HEATR5B: variants seen among roughly 807,000 people sequenced by gnomAD.
HEATR5B encodes HEAT repeat containing 5B.
In HEATR5B, 156 loss-of-function variants were observed where a neutral mutation model predicts 224.1. The ratio of observed to expected loss-of-function variants is 0.70; its 90% CI spans 0.61 to 0.80. The LOEUF is 0.80. Ranked by LOEUF, HEATR5B falls within the 30% of genes least tolerant of loss-of-function variation. The pLI, the probability that HEATR5B is intolerant of heterozygous loss-of-function variation, is 0.00. For synonymous variants in HEATR5B, 1,027 were observed against 893.0 expected, an observed-to-expected ratio of 1.15 and a Z score of -2.68; for missense variants, 2,323 against 2,535.5, an observed-to-expected ratio of 0.92 and a Z score of 1.80.
chr2:37,022,663 A>G (rs1052292859), intron 24 of HEATR5B, among the ~76,000 whole-genome samples: 1 of 152,224 alleles, frequency 6.6e-6, no homozygotes, highest in Non-Finnish European at 1.5e-5. Flanking sequence ...TTGTCAGGAA[A>G]CTTAAATCTA....
At chr2:37,004,660 G>A (rs753759618) in intron 30 of HEATR5B, among the ~76,000 whole-genome samples, 1 of 151,888 alleles carries the variant, frequency 6.6e-6, no homozygotes, top group Non-Finnish European at 1.5e-5. Context: ...TTATTTACTC[G>A]ATTCTTTCTT....
At chr2:36,995,454 A>AT (rs1336612342) in intron 33 of HEATR5B, among the ~76,000 whole-genome samples, 1 of 152,220 alleles carries the variant, frequency 6.6e-6, no homozygotes, top group Admixed American at 6.5e-5. Flanking sequence ...GTTTGTTAAA[A>AT]TCTACCTTAA....
intron 33 of HEATR5B, among the ~76,000 whole-genome samples, chr2:36,999,740 C>T (rs916454034): frequency 2.6e-5 from 4 of 150,998 alleles, no homozygotes; most frequent in South Asian, 4.2e-4. Flanking sequence ...CGGCCGGGTG[C>T]GGTAGCTCAC....
rs190094650 is a variant in HEATR5B, at chr2:37,049,901, T to A, written c.2506-58A>T. The stretch of plus-strand genomic sequence containing the variant: ...CAATTCATAATTCATTATTATTATT[T>A]TTTTTTTAAGGCAAGGTCTTGCTCC... On this transcript the variant is annotated intron_variant, in intron 17 of 35. Transcript: ENST00000233099. 1,465 of 1,437,126 alleles carry A rather than the reference T, an allele frequency of 1.0e-3. 5 individuals carry two copies. Among genetic ancestry groups the A allele is most frequent in the East Asian group, 7.6e-3 (297 of 39,194 alleles). 89.0% of individuals were successfully genotyped at this position (1,437,126 alleles called of 1,614,324 possible). A position where few individuals can be genotyped will look rare whatever the true frequency, so the allele number is the denominator to read the frequency against.
chr2:37,079,339 A>C lies in HEATR5B; in HGVS notation c.127-8T>G. 1 of 1,518,064 alleles carries C rather than the reference A, an allele frequency of 6.6e-7. No homozygotes were observed. The highest frequency in any genetic ancestry group is 8.9e-7 in the Non-Finnish European group (1 of 1,125,306). The allele number at this position is 1,518,064 out of a possible 1,614,324, so 94.0% of individuals were successfully genotyped here. A position where few individuals can be genotyped will look rare whatever the true frequency, so the allele number is the denominator to read the frequency against. On this transcript the variant is annotated splice_region_variant and splice_polypyrimidine_tract_variant and intron_variant, in intron 2 of 35. Transcript: ENST00000233099. ...TTTTTCCTTTACATCGGTCTGTTAC[A>C]AAAAAAATTTTTAAAAGAACATCAT...
chr2:37,080,193 A>C (rs1195173097), intron 2 of HEATR5B, among the ~76,000 whole-genome samples: 1 of 152,188 alleles, frequency 6.6e-6, no homozygotes, highest in African/African-American at 2.4e-5. Context: ...AGAAGGATAG[A>C]AGGGACCACA....
chr2:37,067,118 C>T lies in HEATR5B; in HGVS notation c.1178-1208G>A, dbSNP rs574950142. ...AGAACTCCTGGCCTCAAGTGATCCA[C>T]CCATCTTGGCCTCCCAAAGTGCTGG... On this transcript the variant is annotated intron_variant, in intron 8 of 35. Coordinates refer to ENST00000233099, the MANE Select transcript of HEATR5B (RefSeq NM_019024.3). Among the ~76,000 whole-genome samples, 3 of 152,264 alleles carry T rather than the reference C, an allele frequency of 2.0e-5. No individual in the cohort carries two copies. The South Asian group carries it at 6.2e-4, about 32-fold the overall frequency.
intron 2 of HEATR5B, among the ~76,000 whole-genome samples, chr2:37,081,131 G>A (rs1210860768): frequency 6.6e-6 from 1 of 152,158 alleles, no homozygotes; most frequent in African/African-American, 2.4e-5. Context: ...CTGGACAAGT[G>A]CTGTTTCAGT....
chr2:36,981,474 T>C lies in HEATR5B; in HGVS notation c.*16A>G. ...GGCTAGTTGACAACATAAATACAAA[T>C]AAATGAAATTACAAATTAAAAAAAA... On this transcript the variant is annotated 3_prime_UTR_variant, in exon 36 of 36. Transcript: ENST00000233099. The C allele has an allele frequency of 1.3e-6, 2 of 1,587,680 alleles. No individual in the cohort carries two copies. Among genetic ancestry groups the C allele is most frequent in the Non-Finnish European group, 1.7e-6 (2 of 1,164,748 alleles).
intron 30 of HEATR5B, 75 bp downstream of exon 30, chr2:37,005,557 T>C (rs1667356813): frequency 1.4e-6 from 2 of 1,379,502 alleles, no homozygotes; most frequent in Non-Finnish European, 2.0e-6. Flanking sequence ...AGAAAAAAAA[T>C]CCATCCTTTT....
chr2:37,035,867 T>C (rs1020791737), intron 21 of HEATR5B, among the ~76,000 whole-genome samples: 8 of 152,166 alleles, frequency 5.3e-5, no homozygotes, highest in Non-Finnish European at 1.2e-4. Context: ...TGTCTAAAAC[T>C]GAATTAATGA....
intron 2 of HEATR5B, among the ~76,000 whole-genome samples, chr2:37,081,133 T>G (rs1448046808): frequency 6.6e-6 from 1 of 152,244 alleles, no homozygotes; most frequent in Non-Finnish European, 1.5e-5. Flanking sequence ...GGACAAGTGC[T>G]GTTTCAGTGG....
chr2:36,999,944 G>A lies in HEATR5B; in HGVS notation c.5545+642C>T, dbSNP rs535625779. Reference sequence around the variant, plus strand: ...GAAGAATCACTTGAACCCGGGAGGCGGAGGTTGCAGTGGGCTGAGATCACG... The same window carrying A: ...GAAGAATCACTTGAACCCGGGAGGCAGAGGTTGCAGTGGGCTGAGATCACG... On this transcript the variant is annotated intron_variant, in intron 33 of 35. Transcript: ENST00000233099. Among the ~76,000 whole-genome samples the A allele has an allele frequency of 2.3e-4, 35 of 151,440 alleles. No homozygotes were observed. In the South Asian group the frequency reaches 4.2e-3, roughly 18 times the overall value.
At chr2:37,012,068 A>C (rs1257054558) in intron 27 of HEATR5B, among the ~76,000 whole-genome samples, 1 of 152,222 alleles carries the variant, frequency 6.6e-6, no homozygotes, top group Non-Finnish European at 1.5e-5. Flanking sequence ...ATATTACACA[A>C]AAAAGGACAA....
intron 24 of HEATR5B, among the ~76,000 whole-genome samples, chr2:37,026,216 G>C (rs183432121): frequency 6.6e-6 from 1 of 152,196 alleles, no homozygotes; most frequent in East Asian, 1.9e-4. Flanking sequence ...CAGGGAGTGC[G>C]GGCAGCATAT....
chr2:36,989,371 A>G (rs1157561152), intron 34 of HEATR5B, among the ~76,000 whole-genome samples: 1 of 152,228 alleles, frequency 6.6e-6, no homozygotes, highest in East Asian at 1.9e-4. Flanking sequence ...GGTGTGAGCC[A>G]CCATGCCCGG....
intron 5 of HEATR5B, among the ~76,000 whole-genome samples, chr2:37,072,832 A>C (rs1444926243): frequency 6.6e-6 from 1 of 151,340 alleles, no homozygotes; most frequent in Non-Finnish European, 1.5e-5. Context: ...ACATGTTTTA[A>C]AAAGTTAAAG....
chr2:36,993,464 G>A (rs1666472943), intron 33 of HEATR5B, among the ~76,000 whole-genome samples: 1 of 151,866 alleles, frequency 6.6e-6, no homozygotes. Context: ...TTGAACATAG[G>A]AGGTGGACGT....
intron 35 of HEATR5B, among the ~76,000 whole-genome samples, chr2:36,986,400 C>T (rs952678147): frequency 6.6e-6 from 1 of 152,132 alleles, no homozygotes; most frequent in African/African-American, 2.4e-5. Flanking sequence ...TCAGATAAAC[C>T]TTTCTTCCAC....
Sources: gnomAD v4.1 joint callset for allele counts (sites outside exome capture counted in the v4.1 genomes callset) on GRCh38, gnomAD v4.1.1 for gene constraint, MANE v1.5 for transcripts, NCBI Gene and HGNC (gene_info 2026-07-23, HGNC 2026-07-21) for gene names.